The following BACE2 variants were observed in gnomAD, a reference collection of about 807,000 sequenced individuals.
BACE2 encodes the protein beta-secretase 2.
Under a neutral mutation model 46.2 loss-of-function variants are expected in BACE2, and 17 were observed. The observed-to-expected ratio is 0.37, with a 90% CI of 0.25 to 0.55. BACE2 has a LOEUF of 0.55. BACE2 is among the 20% of genes least tolerant of loss of function. The pLI is 0.82. For synonymous variants in BACE2, 277 were observed against 295.9 expected (o/e 0.94, Z 0.66); for missense variants, 595 against 698.1 (o/e 0.85, Z 1.66).
intron 1 of BACE2, among the ~76,000 whole-genome samples, chr21:41,216,805 G>A (rs185274438): frequency 1.8e-4 from 28 of 152,334 alleles, no homozygotes; most frequent in Middle Eastern, 3.4e-3. Flanking sequence ...CCGGGTGTGG[G>A]ATCTCCTGAG....
rs1321219742 is a variant in BACE2 at position 41,222,137 on chromosome 21, G to T, written c.313-4129G>T. Among the ~76,000 whole-genome samples, 3 of 152,326 alleles carry T rather than the reference G, an allele frequency of 2.0e-5. No homozygotes were observed. In the East Asian group the frequency reaches 5.8e-4, roughly 29 times the overall value. On this transcript the variant is annotated intron_variant, in intron 1 of 8. Transcript: ENST00000330333. Reference sequence around the variant, plus strand: ...TCTCTGCACCTCAGTGTTTGCATCTGTGACGTGGAGTGAGGACTGTGCTGC... The same window carrying T: ...TCTCTGCACCTCAGTGTTTGCATCTTTGACGTGGAGTGAGGACTGTGCTGC...
At chr21:41,269,536 CCTTCTGTCACTGTAGA>C (rs2088414831) in intron 8 of BACE2, among the ~76,000 whole-genome samples, 1 of 152,132 alleles carries the variant, frequency 6.6e-6, no homozygotes, top group Non-Finnish European at 1.5e-5. Context: ...CACTGACGTG[CCTTCTGTCACTGTAGA>C]CTAGTTTGTA....
intron 3 of BACE2, among the ~76,000 whole-genome samples, chr21:41,238,797 C>T (rs1361108428): frequency 2.2e-5 from 2 of 92,858 alleles, no homozygotes; most frequent in Non-Finnish European, 3.9e-5. Flanking sequence ...ACTCTGGGGA[C>T]TGTGGTGGGG....
intron 1 of BACE2, chr21:41,179,612 C>T (rs778853538): frequency 2.3e-5 from 31 of 1,359,676 alleles, no homozygotes; most frequent in Admixed American, 1.5e-4. Flanking sequence ...GTGCTTCAGG[C>T]GCAGCAACTC....
At position 41,226,223 on chromosome 21, in the gene BACE2, A is replaced by T. The variant is rs368254374; in HGVS notation, c.313-43A>T. 8.7e-6 allele frequency: 13 copies of T among 1,495,662 alleles called. No individual in the cohort carries two copies. The South Asian group carries it at 1.5e-4, about 18-fold the overall frequency. 92.6% of individuals were successfully genotyped at this position (1,495,662 alleles called of 1,614,324 possible). On this transcript the variant is annotated intron_variant, in intron 1 of 8. Transcript: ENST00000330333. ...TCAAGAGTATTGCCTTATTAAAATAACTTGATGCTTTCTATTTTTTTTTTC... is the reference window on the plus strand; with the variant it reads ...TCAAGAGTATTGCCTTATTAAAATATCTTGATGCTTTCTATTTTTTTTTTC...
Position 41,246,034 on chromosome 21 carries a change from G to A in BACE2, c.955G>A (p.Val319Met). The A allele has an allele frequency of 1.2e-6, 2 of 1,609,364 alleles. No individual in the cohort carries two copies. Among genetic ancestry groups the A allele is most frequent in the East Asian group, 2.2e-5 (1 of 44,730 alleles). The part of the protein sequence containing the change: ...LRLPQKVFDA[V>M]VEAVARASLI... ...CCTGCCCCAGAAGGTGTTTGATGCG[G>A]TGGTGGAAGCTGTGGCCCGCGCATC... is the stretch of plus-strand genomic sequence containing the variant. The change falls in exon 6 of 9, where the codon GTG becomes ATG. Residue 319 changes from valine to methionine, a missense_variant. Val to Met is a conservative substitution (Grantham distance 21, BLOSUM62 1). Transcript: ENST00000330333.
At chr21:41,220,815 T>C (rs963970190) in intron 1 of BACE2, among the ~76,000 whole-genome samples, 2 of 151,908 alleles carry the variant, frequency 1.3e-5, no homozygotes, top group Non-Finnish European at 2.9e-5. Flanking sequence ...CTAGGAGCTG[T>C]GTATTTGTAA....
chr21:41,178,986 T>G, intron 1 of BACE2: 80 of 788,890 alleles, frequency 1.0e-4, no homozygotes, highest in Non-Finnish European at 1.4e-4. Flanking sequence ...CAATTTGAGA[T>G]GAGATTGGCT....
In BACE2 at chr21:41,172,948, C is replaced by A. The variant is rs114441152; in HGVS notation, c.312+4373C>A. ...TAGTGTCTGATGGCTGCTGGCATTTCTTGACCCTTGGCCGCATGACTCCAA... is the reference window on the plus strand; with the variant it reads ...TAGTGTCTGATGGCTGCTGGCATTTATTGACCCTTGGCCGCATGACTCCAA... On this transcript the variant is annotated intron_variant, in intron 1 of 8. Transcript: ENST00000330333. 6.6e-3 allele frequency among the ~76,000 whole-genome samples: 1,012 copies of A among 152,320 alleles called. 13 individuals carry two copies. Among genetic ancestry groups the A allele is most frequent in the African/African-American group, 0.023 (964 of 41,560 alleles).
chr21:41,242,168 G>A (rs916692202), intron 4 of BACE2, among the ~76,000 whole-genome samples: 4 of 150,170 alleles, frequency 2.7e-5, no homozygotes, highest in Non-Finnish European at 5.9e-5. Context: ...TCGCTTCTCC[G>A]AATTCCATTA....
At chr21:41,189,021 G>C (rs964759368) in intron 1 of BACE2, among the ~76,000 whole-genome samples, 1 of 152,146 alleles carries the variant, frequency 6.6e-6, no homozygotes, top group Non-Finnish European at 1.5e-5. Context: ...TGTGTCCCTC[G>C]AGAGTTTTGA....
rs960478108 is a variant in BACE2, at chr21:41,193,753, C to T, written c.312+25178C>T. On this transcript the variant is annotated intron_variant, in intron 1 of 8. Coordinates refer to ENST00000330333, the MANE Select transcript of BACE2 (RefSeq NM_012105.5). This position sits in a 1 kb window ranked among gnomAD's most constrained non-coding sequence, Gnocchi z 4.2. ...TGAGTCCGAGGACCCACTGGACCCACTGTAAGTTGGACCTGAGCTAAAACT... is the reference window on the plus strand; with the variant it reads ...TGAGTCCGAGGACCCACTGGACCCATTGTAAGTTGGACCTGAGCTAAAACT... Among the ~76,000 whole-genome samples, 1 of 152,160 alleles carries T rather than the reference C, an allele frequency of 6.6e-6. No homozygotes were observed. Among genetic ancestry groups the T allele is most frequent in the Non-Finnish European group, 1.5e-5 (1 of 68,028 alleles).
chr21:41,168,406 G>C lies in BACE2; in HGVS notation c.143G>C (p.Gly48Ala), dbSNP rs749782978. 2 of 1,412,290 alleles carry C rather than the reference G, an allele frequency of 1.4e-6. No individual in the cohort carries two copies. The highest frequency in any genetic ancestry group is 3.0e-5 in the African/African-American group (2 of 66,086). 87.5% of individuals were successfully genotyped at this position (1,412,290 alleles called of 1,614,324 possible). The change falls in exon 1 of 9, where the codon GGA becomes GCA. Residue 48 changes from glycine to alanine, a missense_variant. Transcript: ENST00000330333. ...ATNRVVAPTP[G>A]PGTPAERHAD... is the part of the protein sequence containing the mutation. ...AACCGCGTAGTTGCGCCCACCCCGG[G>C]ACCCGGGACCCCTGCCGAGCGCCAC...
chr21:41,248,493 G>A (rs566589131), intron 6 of BACE2, among the ~76,000 whole-genome samples: 5 of 152,166 alleles, frequency 3.3e-5, no homozygotes, highest in Non-Finnish European at 7.4e-5. Flanking sequence ...CCTGGCCACC[G>A]AAACTCTTCC....
At chr21:41,239,099 C>T (rs73366465) in intron 3 of BACE2, among the ~76,000 whole-genome samples, 160 of 151,758 alleles carry the variant, frequency 1.1e-3, no homozygotes, top group African/African-American at 3.7e-3. Flanking sequence ...GAAGTGATTG[C>T]TGGAGCAATA....
intron 1 of BACE2, among the ~76,000 whole-genome samples, chr21:41,221,652 C>T (rs905646338): frequency 2.0e-5 from 3 of 151,752 alleles, no homozygotes; most frequent in East Asian, 1.9e-4. Context: ...GGTGAAACCC[C>T]GTCTCTACTA....
intron 1 of BACE2, among the ~76,000 whole-genome samples, chr21:41,169,301 A>T (rs1034424657): frequency 1.3e-5 from 2 of 151,950 alleles, no homozygotes; most frequent in South Asian, 2.1e-4. Context: ...GGAAAAAAAC[A>T]GGGGCTGAGT....
rs1005210235 is a variant in BACE2, at chr21:41,250,874, G to A, written c.1107G>A (p.Arg369=). 1.2e-6 allele frequency: 2 copies of A among 1,613,994 alleles called. No homozygotes were observed. Among genetic ancestry groups the A allele is most frequent in the East Asian group, 2.2e-5 (1 of 44,898 alleles). Residue 369 remains arginine (R), a synonymous_variant, in exon 7 of 9, where the codon AGG becomes AGA. Transcript: ENST00000330333. The stretch of plus-strand genomic sequence containing the variant: ...ACCTGAGAGACGAGAACTCCAGCAG[G>A]TCATTCCGTATCACAATCCTGCCTC... ...SIYLRDENSS[R]SFRITILPQL...
At chr21:41,240,025 A>G (rs912620035) in intron 3 of BACE2, among the ~76,000 whole-genome samples, 27 of 152,242 alleles carry the variant, frequency 1.8e-4, no homozygotes, top group Non-Finnish European at 2.9e-5. Flanking sequence ...TCTCCGTGCG[A>G]CATTTTATCT....
Sources: allele counts gnomAD v4.1 joint callset (sites outside exome capture counted in the v4.1 genomes callset), GRCh38; gene constraint gnomAD v4.1.1; non-coding constraint Gnocchi (gnomAD v3.1); transcripts MANE v1.5; gene names NCBI Gene and HGNC (gene_info 2026-07-23, HGNC 2026-07-21).